Variants in ERG observed in about 807,000 individuals in gnomAD.
ERG encodes the protein transcriptional regulator ERG.
ERG carries 9 observed loss-of-function variants against 55.3 expected under a neutral mutation model. That is an observed-to-expected ratio of 0.16 (90% CI 0.10 to 0.28). The LOEUF (loss-of-function observed/expected upper bound fraction) is 0.28, where lower values mean the gene tolerates loss of function less well. Ranked by LOEUF, ERG falls within the 10% of genes least tolerant of loss-of-function variation. The pLI is 1.00. For missense variants in ERG, 434 were observed against 631.6 expected (o/e 0.69, Z 3.35); for synonymous variants, 223 against 237.3 (o/e 0.94, Z 0.55).
intron 2 of ERG, among the ~76,000 whole-genome samples, chr21:38,529,496 GT>G (rs1476965609): frequency 7.9e-5 from 12 of 152,124 alleles, no homozygotes; most frequent in Non-Finnish European, 1.3e-4. Context: ...TGAGTAAATG[GT>G]TATCCTATTA....
Position 38,394,831 on chromosome 21 carries a change from T to C in ERG, c.746-2387A>G, listed in dbSNP as rs533366718. Reference sequence around the variant, plus strand: ...GTTGAAAGAGTTCTAGATGGATTGCTTTTACCCATGGCATAAGTATGCTAA... The same window carrying C: ...GTTGAAAGAGTTCTAGATGGATTGCCTTTACCCATGGCATAAGTATGCTAA... On this transcript the variant is annotated intron_variant, in intron 6 of 9. Transcript: ENST00000288319. Among the ~76,000 whole-genome samples the C allele has an allele frequency of 1.2e-4, 19 of 152,268 alleles. No homozygotes were observed. In the East Asian group the frequency reaches 3.7e-3, roughly 29 times the overall value.
chr21:38,568,070 C>T (rs1199148040), intron 2 of ERG, among the ~76,000 whole-genome samples: 1 of 150,552 alleles, frequency 6.6e-6, no homozygotes. Context: ...GAAGTACTGA[C>T]CCTGGGTCAA....
At chr21:38,602,702 G>A (rs1486889376) in intron 1 of ERG, among the ~76,000 whole-genome samples, 2 of 151,900 alleles carry the variant, frequency 1.3e-5, no homozygotes, top group African/African-American at 4.8e-5. Flanking sequence ...TGGGCTTTGT[G>A]ATTTTTTTCC....
intron 1 of ERG, among the ~76,000 whole-genome samples, chr21:38,655,489 G>A (rs2146992026): frequency 6.6e-6 from 1 of 152,296 alleles, no homozygotes; most frequent in East Asian, 1.9e-4. Context: ...CATTGCAAAT[G>A]GATAATTAGC....
In ERG at chr21:38,651,910, G is replaced by A. The variant is rs1450949344; in HGVS notation, c.-150+9748C>T. Among the ~76,000 whole-genome samples, 3 of 152,240 alleles carry A rather than the reference G, an allele frequency of 2.0e-5. No individual in the cohort carries two copies. In the East Asian group the frequency reaches 5.8e-4, roughly 29 times the overall value. ...CACTCCTGAGCCTCACTGCTATTCT[G>A]GAAAATGAGGACAATTAGAGCACCT... On this transcript the variant is annotated intron_variant, in intron 1 of 10. Coordinates refer to the ERG transcript ENST00000398910.
chr21:38,472,482 C>A (rs1282396265), intron 1 of ERG, among the ~76,000 whole-genome samples: 2 of 152,130 alleles, frequency 1.3e-5, no homozygotes, highest in Admixed American at 1.3e-4. Flanking sequence ...GTTGTGTCCC[C>A]AAAGTTTGCT....
intron 1 of ERG, among the ~76,000 whole-genome samples, chr21:38,644,771 G>A (rs777392894): frequency 1.3e-5 from 2 of 152,112 alleles, no homozygotes; most frequent in African/African-American, 2.4e-5. Flanking sequence ...ACTCTGAAAT[G>A]GCCTAGAAAT....
intron 1 of ERG, among the ~76,000 whole-genome samples, chr21:38,480,001 G>C (rs923303328): frequency 2.0e-5 from 3 of 151,952 alleles, no homozygotes; most frequent in African/African-American, 7.2e-5. Context: ...TTGTGCCTTG[G>C]GGCTACTACT....
intron 2 of ERG, among the ~76,000 whole-genome samples, chr21:38,435,448 C>G (rs145005197): frequency 9.6e-4 from 146 of 152,238 alleles, no homozygotes; most frequent in African/African-American, 3.2e-3. Flanking sequence ...AGCAGTGATT[C>G]ATGTAGAACT....
At chr21:38,394,684 A>G (rs1156672067) in intron 6 of ERG, among the ~76,000 whole-genome samples, 5 of 152,094 alleles carry the variant, frequency 3.3e-5, no homozygotes, top group Non-Finnish European at 7.4e-5. Flanking sequence ...ATCCTGGGTG[A>G]CTCTGGTGCA....
chr21:38,595,267 G>A (rs1196512897), intron 1 of ERG, among the ~76,000 whole-genome samples: 1 of 152,182 alleles, frequency 6.6e-6, no homozygotes, highest in African/African-American at 2.4e-5. Context: ...AAGGCCAGAG[G>A]CAGAGAGGCC....
upstream of ERG, among the ~76,000 whole-genome samples, chr21:38,502,133 C>T (rs962957355): frequency 1.3e-5 from 2 of 152,200 alleles, no homozygotes; most frequent in Non-Finnish European, 2.9e-5. Flanking sequence ...TGTGGGGACA[C>T]AACAGAAGAT....
intron 1 of ERG, among the ~76,000 whole-genome samples, chr21:38,472,348 A>T (rs2059147277): frequency 6.6e-6 from 1 of 152,204 alleles, no homozygotes; most frequent in Non-Finnish European, 1.5e-5. Flanking sequence ...TGACGGGATT[A>T]TACGCTGGGC....
intron 3 of ERG, among the ~76,000 whole-genome samples, chr21:38,417,712 C>T (rs192913544): frequency 1.4e-4 from 21 of 152,178 alleles, no homozygotes; most frequent in Middle Eastern, 3.4e-3. Context: ...TTGCTTGAAC[C>T]CAGGAGACAG....
At chr21:38,423,628 C>T in intron 2 of ERG, 67 bp from the exon 3 acceptor site, 2 of 1,499,512 alleles carry the variant, frequency 1.3e-6, no homozygotes, top group South Asian at 2.5e-5. Flanking sequence ...CGACTTCTCA[C>T]AATACACAGA....
At chr21:38,387,456 C>T (rs1484944182) in intron 9 of ERG, among the ~76,000 whole-genome samples, 2 of 152,224 alleles carry the variant, frequency 1.3e-5, no homozygotes, top group Non-Finnish European at 2.9e-5. Flanking sequence ...GTTGCCACTG[C>T]TTCAGCTGAA....
At chr21:38,432,858 G>A (rs1569095820) in intron 2 of ERG, among the ~76,000 whole-genome samples, 1 of 152,186 alleles carries the variant, frequency 6.6e-6, no homozygotes, top group Non-Finnish European at 1.5e-5. Context: ...GTAAATCCGT[G>A]TGAGGAGTCT....
At chr21:38,438,566 C>A (rs2058812076) in intron 2 of ERG, among the ~76,000 whole-genome samples, 1 of 152,206 alleles carries the variant, frequency 6.6e-6, no homozygotes, top group African/African-American at 2.4e-5. Flanking sequence ...TGCTATCTGA[C>A]CCGAGGCTGG....
intron 1 of ERG, among the ~76,000 whole-genome samples, chr21:38,658,875 G>A (rs994177683): frequency 6.6e-6 from 1 of 152,190 alleles, no homozygotes; most frequent in Non-Finnish European, 1.5e-5. Context: ...ATACAGGTGT[G>A]AATGCAGCCC....
Sources: gnomAD v4.1 joint callset for allele counts (sites outside exome capture counted in the v4.1 genomes callset) on GRCh38, gnomAD v4.1.1 for gene constraint, MANE v1.5 for transcripts, NCBI Gene and HGNC (gene_info 2026-07-23, HGNC 2026-07-21) for gene names.